BMS1: variants seen among roughly 807,000 people sequenced by gnomAD.
BMS1 encodes BMS1 ribosome biogenesis factor.
Under a neutral mutation model 138.7 loss-of-function variants are expected in BMS1, and 53 were observed. That is an observed-to-expected ratio of 0.38 (90% CI 0.31 to 0.48). The LOEUF (loss-of-function observed/expected upper bound fraction) is 0.48. Among genes scored for constraint, BMS1 ranks in the 20% least tolerant of loss-of-function variants. The probability of loss-of-function intolerance (pLI) is 0.97; values close to 1 mark genes in which losing one functional copy is unlikely to be tolerated. For missense variants in BMS1, 1,360 were observed against 1,565.5 expected, an observed-to-expected ratio of 0.87 and a Z score of 2.22; for synonymous variants, 504 against 539.9, an observed-to-expected ratio of 0.93 and a Z score of 0.92.
chr10:42,805,437 G>A lies in BMS1; in HGVS notation c.2329+3219G>A, dbSNP rs138200994. Among the ~76,000 whole-genome samples, 11 of 152,186 alleles carry A rather than the reference G, an allele frequency of 7.2e-5. No homozygotes were observed. The East Asian group carries it at 2.1e-3, about 29-fold the overall frequency. On this transcript the variant is annotated intron_variant, in intron 13 of 22. Transcript: ENST00000374518. ...ACTTTAGGTAGTTTTTCAAACTTTA[G>A]TCTCCTTTTCAAAGTTGTTTTGGTT...
chr10:42,792,879 A>G (rs985306887), intron 7 of BMS1, 78 bp from the exon 8 acceptor site: 109 of 1,482,698 alleles, frequency 7.4e-5, no homozygotes, highest in Non-Finnish European at 8.6e-5. Flanking sequence ...ACTGTGGATC[A>G]TATTTAACCC....
chr10:42,826,237 T>G (rs999553525), intron 21 of BMS1, among the ~76,000 whole-genome samples: 2 of 145,762 alleles, frequency 1.4e-5, no homozygotes, highest in East Asian at 2.0e-4. Flanking sequence ...TTTTTGTTTG[T>G]TGTGTGTGTG....
rs769172702 is a variant in BMS1 at position 42,830,881 on chromosome 10, G to A, written c.3634G>A (p.Asp1212Asn). The A allele has an allele frequency of 3.7e-6, 6 of 1,611,222 alleles. No individual in the cohort carries two copies. The Admixed American group carries it at 1.0e-4, about 27-fold the overall frequency. ...TCCTTGTCAGATCCTTGCACTGCTG[G>A]ATGCTCTGAGTACGGTGCATAGTCA... Reference protein sequence around the residue: ...PHERKILALLDALSTVHSQKM... With the variant: ...PHERKILALLNALSTVHSQKM... Residue 1212 changes from aspartate to asparagine, a missense_variant, in exon 23 of 23, where the codon GAT (aspartate) becomes AAT (asparagine). Asp to Asn is a conservative substitution (Grantham distance 23, BLOSUM62 1). Coordinates refer to ENST00000374518, the MANE Select transcript of BMS1 (RefSeq NM_014753.4).
intron 14 of BMS1, among the ~76,000 whole-genome samples, chr10:42,817,101 A>G (rs1451708391): frequency 6.6e-6 from 1 of 152,216 alleles, no homozygotes; most frequent in Non-Finnish European, 1.5e-5. Flanking sequence ...CAGCCAGCTT[A>G]AGGATTAGCA....
chr10:42,821,799 C>T (rs1180476367), intron 18 of BMS1, among the ~76,000 whole-genome samples: 3 of 152,018 alleles, frequency 2.0e-5, no homozygotes, highest in African/African-American at 4.8e-5. Context: ...GTGATCCACC[C>T]GCCTTGGCCT....
chr10:42,833,549 A>G lies in BMS1; in HGVS notation c.*2453A>G, dbSNP rs1391479239. On this transcript the variant is annotated 3_prime_UTR_variant, in exon 23 of 23. Transcript: ENST00000374518. ...TGGGCAGCATGTGACTGTACTGACT[A>G]CTGTAGGCAGTTGTAACACAGTGGT... 6.6e-6 allele frequency: 1 copy of G among 152,334 alleles called. No individual in the cohort carries two copies. The highest frequency in any genetic ancestry group is 2.1e-4 in the South Asian group (1 of 4,820). The allele number at this position is 152,334 out of a possible 1,614,324, so 9.4% of individuals were successfully genotyped here. A position where few individuals can be genotyped will look rare whatever the true frequency, so the allele number is the denominator to read the frequency against.
At chr10:42,792,349 G>A (rs1726008742) in intron 6 of BMS1, 144 bp from the exon 7 acceptor site, 2 of 1,127,456 alleles carry the variant, frequency 1.8e-6, no homozygotes, top group Non-Finnish European at 1.2e-6. Flanking sequence ...GGTGGATGGT[G>A]AATGGTGCCT....
At chr10:42,817,630 G>A (rs1402021269) in intron 15 of BMS1, 136 bp downstream of exon 15, 1 of 795,490 alleles carries the variant, frequency 1.3e-6, no homozygotes. Flanking sequence ...GGACTCCTGG[G>A]TAGAGATGCA....
At chr10:42,794,147 C>A (rs1333105195) in intron 9 of BMS1, among the ~76,000 whole-genome samples, 156 bp downstream of exon 9, 4 of 152,118 alleles carry the variant, frequency 2.6e-5, no homozygotes, top group Admixed American at 6.6e-5. Context: ...TCTTCACTTA[C>A]CTGACATTAC....
At chr10:42,790,573 G>A (rs1411568464) in intron 5 of BMS1, 62 bp downstream of exon 5, 1 of 1,555,122 alleles carries the variant, frequency 6.4e-7, no homozygotes, top group East Asian at 2.3e-5. Flanking sequence ...GACTGAAGAG[G>A]CCGGGTGCAG....
chr10:42,807,639 TA>T (rs1332696765), intron 13 of BMS1, among the ~76,000 whole-genome samples: 1 of 152,152 alleles, frequency 6.6e-6, no homozygotes, highest in Non-Finnish European at 1.5e-5. Flanking sequence ...GCCTGGCTAA[TA>T]TTTTTTTATT....
chr10:42,799,126 A>G (rs1008751), intron 12 of BMS1, among the ~76,000 whole-genome samples: 71,751 of 151,798 alleles, frequency 0.47, 17,672 homozygotes, highest in East Asian at 0.64. Context: ...CTCTCTCTTT[A>G]AGATATGGTC....
At position 42,784,483 on chromosome 10, in the gene BMS1, A is replaced by G. The variant is rs1322402442; in HGVS notation, c.89A>G (p.Gln30Arg). 6.2e-7 allele frequency: 1 copy of G among 1,613,892 alleles called. No homozygotes were observed. Among genetic ancestry groups the G allele is most frequent in the Non-Finnish European group, 8.5e-7 (1 of 1,179,876 alleles). The change falls in exon 2 of 23, where the codon CAG becomes CGG. Residue 30 changes from glutamine to arginine, a missense_variant. Gln to Arg is a conservative substitution (Grantham distance 43). Coordinates refer to ENST00000374518, the MANE Select transcript of BMS1 (RefSeq NM_014753.4). ...AAGAAGCGGCTTCTGCAGGATCTCC[A>G]GCTAGGAGACGAAGAAGATGCCCGG... ...KKKKRLLQDL[Q>R]LGDEEDARKR...
chr10:42,824,042 A>G (rs1336486193), intron 21 of BMS1, among the ~76,000 whole-genome samples: 1 of 152,226 alleles, frequency 6.6e-6, no homozygotes, highest in African/African-American at 2.4e-5. Flanking sequence ...GAGGTTGACC[A>G]CATGATCTTA....
chr10:42,822,332 CTG>C lies in BMS1; in HGVS notation c.3132+152_3132+153del. 7 of 543,406 alleles carry C rather than the reference CTG, an allele frequency of 1.3e-5. No individual in the cohort carries two copies. The South Asian group carries it at 2.0e-4, about 16-fold the overall frequency. 33.7% of individuals were successfully genotyped at this position (543,406 alleles called of 1,614,324 possible). On this transcript the variant is annotated intron_variant, in intron 19 of 22. Transcript: ENST00000374518. ...CATATTTTGTTTGCTCCTTTATATT[CTG>C]TGTTACTTAAATATGCTCTAAAAAG...
chr10:42,827,453 T>C (rs930766977), intron 21 of BMS1, among the ~76,000 whole-genome samples: 21 of 151,810 alleles, frequency 1.4e-4, no homozygotes, highest in Non-Finnish European at 2.9e-4. Flanking sequence ...GGAAGAAGGG[T>C]GTGGTGGCTG....
At chr10:42,822,214 T>C in intron 19 of BMS1, 30 bp downstream of exon 19, 2 of 1,193,152 alleles carry the variant, frequency 1.7e-6, no homozygotes, top group Non-Finnish European at 1.2e-6. Context: ...CTCATATTTA[T>C]AAATGTCCAT....
At chr10:42,817,995 A>G (rs1470858797) in intron 15 of BMS1, among the ~76,000 whole-genome samples, 1 of 152,124 alleles carries the variant, frequency 6.6e-6, no homozygotes, top group Non-Finnish European at 1.5e-5. Context: ...ATAAAGGGAG[A>G]TGGTGTGGCC....
At position 42,823,105 on chromosome 10, in the gene BMS1, G is replaced by C; in HGVS notation, c.3133-13G>C. 6.5e-7 allele frequency: 1 copy of C among 1,546,074 alleles called. No homozygotes were observed. Among genetic ancestry groups the C allele is most frequent in the African/African-American group, 1.4e-5 (1 of 72,484 alleles). ...TTTTGTGTGTGTGTGTTTTTATCTT[G>C]CTATACCTGTAGGGAATGTTTAATT... On this transcript the variant is annotated splice_polypyrimidine_tract_variant and intron_variant, in intron 19 of 22. Transcript: ENST00000374518.
Sources: allele counts gnomAD v4.1 joint callset (sites outside exome capture counted in the v4.1 genomes callset), GRCh38; gene constraint gnomAD v4.1.1; transcripts MANE v1.5; gene names NCBI Gene and HGNC (gene_info 2026-07-23, HGNC 2026-07-21).